Variants in GRIN2B observed in about 807,000 individuals in gnomAD.
GRIN2B encodes glutamate ionotropic receptor NMDA type subunit 2B.
A neutral mutation model predicts 114.5 loss-of-function variants in GRIN2B; 5 were observed. The observed-to-expected ratio is 0.04, with a 90% CI of 0.02 to 0.09. The LOEUF (loss-of-function observed/expected upper bound fraction) is 0.09, where lower values mean the gene tolerates loss of function less well. GRIN2B is among the 10% of genes least tolerant of loss of function. The pLI, the probability that GRIN2B is intolerant of heterozygous loss-of-function variation, is 1.00. For missense variants in GRIN2B, 1,108 were observed against 1,943.5 expected (o/e 0.57, Z 8.08); for synonymous variants, 787 against 745.1 (o/e 1.06, Z -0.92).
At chr12:13,824,846 A>G (rs1392206994) in intron 3 of GRIN2B, among the ~76,000 whole-genome samples, 2 of 106,464 alleles carry the variant, frequency 1.9e-5, no homozygotes, top group Admixed American at 2.4e-4. Context: ...ACAGAGCGAG[A>G]CTCCATTTCA....
At chr12:13,937,106 G>GTAAA (rs1555159435) in intron 2 of GRIN2B, among the ~76,000 whole-genome samples, 1 of 141,374 alleles carries the variant, frequency 7.1e-6, no homozygotes, top group Non-Finnish European at 1.5e-5. Context: ...AGGGGGGGGG[G>GTAAA]AAGATTGAAG....
intron 5 of GRIN2B, among the ~76,000 whole-genome samples, chr12:13,635,971 A>C (rs1449456497): frequency 6.6e-6 from 1 of 152,198 alleles, no homozygotes; most frequent in African/African-American, 2.4e-5. Context: ...AGAACATTCT[A>C]GTGAGGGAGA....
intron 4 of GRIN2B, among the ~76,000 whole-genome samples, chr12:13,744,333 T>C (rs1863336250): frequency 6.6e-6 from 1 of 152,222 alleles, no homozygotes; most frequent in Admixed American, 6.5e-5. Flanking sequence ...TTTTATCCAG[T>C]TTTCTTAATT....
chr12:13,884,822 T>C (rs1158705026), intron 2 of GRIN2B, among the ~76,000 whole-genome samples: 2 of 152,164 alleles, frequency 1.3e-5, no homozygotes, highest in Non-Finnish European at 2.9e-5. Context: ...TGTATATATA[T>C]ACATATTTTT....
In GRIN2B at chr12:13,563,944, G is replaced by A; in HGVS notation, c.3294C>T (p.Ser1098=). 1 of 1,614,222 alleles carries A rather than the reference G, an allele frequency of 6.2e-7. No individual in the cohort carries two copies. The highest frequency in any genetic ancestry group is 1.1e-5 in the South Asian group (1 of 91,082). Residue 1098 remains serine (S), a synonymous_variant, in exon 14 of 14, where the codon TCC becomes TCT. Coordinates refer to ENST00000609686, the MANE Select transcript of GRIN2B (RefSeq NM_000834.5). ...SLKKRPASAK[S]RREFDEIELA... ...GCTCGATCTCGTCAAACTCCCTGCG[G>A]GACTTGGCCGAGGCAGGCCGCTTCT...
intron 9 of GRIN2B, 77 bp downstream of exon 9, chr12:13,611,648 T>C: frequency 7.2e-7 from 1 of 1,385,122 alleles, no homozygotes; most frequent in South Asian, 1.2e-5. Flanking sequence ...AAAATGCAGA[T>C]AACAAATGAG....
chr12:13,809,002 G>A (rs1057102031), intron 3 of GRIN2B, among the ~76,000 whole-genome samples: 2 of 152,068 alleles, frequency 1.3e-5, no homozygotes, highest in African/African-American at 4.8e-5. Context: ...AGAGTACAGT[G>A]GAGGTGTAAC....
chr12:13,831,532 T>C (rs1865145362), intron 3 of GRIN2B, among the ~76,000 whole-genome samples: 1 of 152,110 alleles, frequency 6.6e-6, no homozygotes, highest in Non-Finnish European at 1.5e-5. Flanking sequence ...ATTAGCATAA[T>C]GCCAGACCAA....
chr12:13,899,770 C>T (rs904272410), intron 2 of GRIN2B, among the ~76,000 whole-genome samples: 1 of 134,168 alleles, frequency 7.5e-6, no homozygotes, highest in South Asian at 2.3e-4. Flanking sequence ...CCTATGAAGA[C>T]GTAGCTATGG....
intron 3 of GRIN2B, among the ~76,000 whole-genome samples, chr12:13,775,642 A>G (rs898921460): frequency 6.6e-6 from 1 of 152,348 alleles, no homozygotes; most frequent in African/African-American, 2.4e-5. Flanking sequence ...ATTTGTATAC[A>G]TTGTATTCAA....
intron 4 of GRIN2B, among the ~76,000 whole-genome samples, chr12:13,713,691 G>A (rs1181552136): frequency 6.6e-6 from 1 of 151,542 alleles, no homozygotes; most frequent in East Asian, 2.0e-4. Flanking sequence ...TTTTTTTCTT[G>A]CTATCAGGGT....
At chr12:13,787,657 C>T (rs962827521) in intron 3 of GRIN2B, among the ~76,000 whole-genome samples, 4 of 152,190 alleles carry the variant, frequency 2.6e-5, no homozygotes, top group Non-Finnish European at 4.4e-5. Context: ...CTATTATGGT[C>T]GTTTAAGCCT....
Position 13,753,910 on chromosome 12 carries a change from T to C in GRIN2B, c.417A>G (p.Glu139=), listed in dbSNP as rs2136629600. The change falls in exon 4 of 14, where the codon GAA becomes GAG. Residue 139 remains glutamate, a synonymous_variant. Coordinates refer to ENST00000609686, the MANE Select transcript of GRIN2B (RefSeq NM_000834.5). The surrounding 1 kb of genome is among the most constrained non-coding windows in gnomAD (Gnocchi z 6.2). The part of the protein sequence containing the change: ...GSSMIMADKD[E]SSMFFQFGPS... ...GGCCAAACTGGAAGAACATGGAGGATTCATCCTAGAAAAAGAACAGGACAA... is the reference window on the plus strand; with the variant it reads ...GGCCAAACTGGAAGAACATGGAGGACTCATCCTAGAAAAAGAACAGGACAA... The C allele has an allele frequency of 6.3e-7, 1 of 1,599,804 alleles. No homozygotes were observed. Among genetic ancestry groups the C allele is most frequent in the Non-Finnish European group, 8.6e-7 (1 of 1,167,082 alleles).
chr12:13,625,771 CAG>C (rs1393384143), intron 5 of GRIN2B, among the ~76,000 whole-genome samples: 1 of 152,058 alleles, frequency 6.6e-6, no homozygotes, highest in Non-Finnish European at 1.5e-5. Flanking sequence ...CAAATAAAAA[CAG>C]AAATCACAGG....
At chr12:13,826,732 T>C (rs937746733) in intron 3 of GRIN2B, among the ~76,000 whole-genome samples, 1 of 152,162 alleles carries the variant, frequency 6.6e-6, no homozygotes, top group Non-Finnish European at 1.5e-5. Flanking sequence ...TTTTTTGCTT[T>C]ACATGGCTAG....
chr12:13,568,769 C>T (rs1420674251), intron 12 of GRIN2B, among the ~76,000 whole-genome samples: 1 of 152,174 alleles, frequency 6.6e-6, no homozygotes, highest in African/African-American at 2.4e-5. Flanking sequence ...CTAACAGAAA[C>T]AGTAGTTTCT....
At chr12:13,955,570 C>T (rs1325177367) in intron 2 of GRIN2B, among the ~76,000 whole-genome samples, 1 of 152,100 alleles carries the variant, frequency 6.6e-6, no homozygotes, top group East Asian at 1.9e-4. Flanking sequence ...CTAACTGAAG[C>T]AAAATGTCCT....
At position 13,892,549 on chromosome 12, in the gene GRIN2B, C is replaced by T. The variant is rs188746028; in HGVS notation, c.-18-26323G>A. On this transcript the variant is annotated intron_variant, in intron 2 of 13. Transcript: ENST00000609686. ...CTGGATACCATAAGCTGAAACAGGGCGCAGGCCAGAATGAAACTAAACTCC... is the reference window on the plus strand; with the variant it reads ...CTGGATACCATAAGCTGAAACAGGGTGCAGGCCAGAATGAAACTAAACTCC... Among the ~76,000 whole-genome samples, 418 of 152,244 alleles carry T rather than the reference C, an allele frequency of 2.7e-3. 7 individuals carry two copies. Among genetic ancestry groups the T allele is most frequent in the Admixed American group, 0.023 (350 of 15,278 alleles).
chr12:13,645,840 AGGC>A (rs1428068991), intron 5 of GRIN2B, among the ~76,000 whole-genome samples: 1 of 152,114 alleles, frequency 6.6e-6, no homozygotes, highest in East Asian at 1.9e-4. Context: ...TTTTCCCTCA[AGGC>A]AAGTTCTACA....
Sources: gnomAD v4.1 joint callset for allele counts (sites outside exome capture counted in the v4.1 genomes callset) on GRCh38, gnomAD v4.1.1 for gene constraint, Gnocchi (gnomAD v3.1) non-coding constraint, MANE v1.5 for transcripts, NCBI Gene and HGNC (gene_info 2026-07-23, HGNC 2026-07-21) for gene names.